The following RFTN1 variants were observed in gnomAD, a reference collection of about 807,000 sequenced individuals.
The protein encoded by RFTN1 is raftlin, lipid raft linker 1, also known as raftlin.
A neutral mutation model predicts 46.5 loss-of-function variants in RFTN1; 26 were observed. That is an observed-to-expected ratio of 0.56 (90% CI 0.41 to 0.78). RFTN1 has a LOEUF of 0.78. RFTN1 is among the 30% of genes least tolerant of loss of function. The pLI is 0.00. For missense variants in RFTN1, 693 were observed against 718.7 expected (o/e 0.96, Z 0.41); for synonymous variants, 261 against 284.2 (o/e 0.92, Z 0.82).
rs770438178 is a variant in RFTN1 at position 16,446,671 on chromosome 3, C to T, written c.146-12634G>A. Among the ~76,000 whole-genome samples, 32 of 152,042 alleles carry T rather than the reference C, an allele frequency of 2.1e-4. No individual in the cohort carries two copies. Among genetic ancestry groups the T allele is most frequent in the Non-Finnish European group, 4.0e-4 (27 of 68,012 alleles). On this transcript the variant is annotated intron_variant, in intron 2 of 9. Transcript: ENST00000334133. This position sits in a 1 kb window ranked among gnomAD's most constrained non-coding sequence, Gnocchi z 4.5. ...GGCCAAATAATAATAGGACAAAGACCATGGTTGTATACAAGACAGTGACTG... is the reference window on the plus strand; with the variant it reads ...GGCCAAATAATAATAGGACAAAGACTATGGTTGTATACAAGACAGTGACTG...
rs1483907938 is a variant in RFTN1, at chr3:16,346,179, C to G, written c.1146+11753G>C. ...GTGGAAAGGCCAGGGGGTGCACATT[C>G]ATTTTTAATGACTACACACCTTCCC... On this transcript the variant is annotated intron_variant, in intron 7 of 9. Transcript: ENST00000334133. The surrounding 1 kb of genome is among the most constrained non-coding windows in gnomAD (Gnocchi z 4.4). The G allele has an allele frequency of 6.6e-6, 1 of 152,198 alleles. No individual in the cohort carries two copies. Among genetic ancestry groups the G allele is most frequent in the Non-Finnish European group, 1.5e-5 (1 of 68,042 alleles). The allele number at this position is 152,198 out of a possible 1,614,324, so 9.4% of individuals were successfully genotyped here.
chr3:16,505,834 T>A (rs139508523), intron 1 of RFTN1, among the ~76,000 whole-genome samples: 272 of 152,308 alleles, frequency 1.8e-3, no homozygotes, highest in Non-Finnish European at 3.2e-3. Context: ...ATCACACTCC[T>A]TCAAGGCTGA....
chr3:16,408,446 C>T (rs944037534), intron 4 of RFTN1, among the ~76,000 whole-genome samples: 2 of 151,640 alleles, frequency 1.3e-5, no homozygotes, highest in African/African-American at 4.9e-5. Flanking sequence ...TCACAATCAC[C>T]TGTATGGGGT....
At position 16,322,883 on chromosome 3, in the gene RFTN1, G is replaced by C. The variant is rs746791162; in HGVS notation, c.1332+493C>G. 2.6e-5 allele frequency among the ~76,000 whole-genome samples: 4 copies of C among 152,172 alleles called. No individual in the cohort carries two copies. Among genetic ancestry groups the C allele is most frequent in the Non-Finnish European group, 5.9e-5 (4 of 68,026 alleles). On this transcript the variant is annotated intron_variant, in intron 9 of 9. Coordinates refer to ENST00000334133, the MANE Select transcript of RFTN1 (RefSeq NM_015150.2). This position sits in a 1 kb window ranked among gnomAD's most constrained non-coding sequence, Gnocchi z 6.2. ...AGCTAGCATCACCAGCTGTCACACA[G>C]AGGCCTTTGGGTCTAGGCCTGTCAT...
At position 16,374,687 on chromosome 3, in the gene RFTN1, AC is replaced by A. The variant is rs1479741219; in HGVS notation, c.826+3030del. Among the ~76,000 whole-genome samples, 1 of 152,100 alleles carries A rather than the reference AC, an allele frequency of 6.6e-6. No individual in the cohort carries two copies. The highest frequency in any genetic ancestry group is 1.5e-5 in the Non-Finnish European group (1 of 68,000). ...GTGAGAATGATTAGAATTTTCGTGAACCTGTCTAGCCTCCTGGTTTCTCTGA... is the reference window on the plus strand; with the variant it reads ...GTGAGAATGATTAGAATTTTCGTGAACTGTCTAGCCTCCTGGTTTCTCTGA... On this transcript the variant is annotated intron_variant, in intron 5 of 9. Coordinates refer to ENST00000334133, the MANE Select transcript of RFTN1 (RefSeq NM_015150.2). This position sits in a 1 kb window ranked among gnomAD's most constrained non-coding sequence, Gnocchi z 5.4.
intron 2 of RFTN1, among the ~76,000 whole-genome samples, chr3:16,477,796 G>T (rs1388167958): frequency 6.6e-6 from 1 of 152,296 alleles, no homozygotes; most frequent in Admixed American, 6.5e-5. Context: ...CACAAATCTT[G>T]ACTTTCACAG....
rs1048894705 is a variant in RFTN1, at chr3:16,407,243, T to G, written c.441+2132A>C. 2.6e-5 allele frequency among the ~76,000 whole-genome samples: 4 copies of G among 152,206 alleles called. No homozygotes were observed. Among genetic ancestry groups the G allele is most frequent in the African/African-American group, 9.7e-5 (4 of 41,450 alleles). On this transcript the variant is annotated intron_variant, in intron 4 of 9. Transcript: ENST00000334133. The surrounding 1 kb of genome is among the most constrained non-coding windows in gnomAD (Gnocchi z 4.0). ...TGTCAGCCAGGCTGGAGTGCAGTGG[T>G]GCAATCATAGCTCACTGTGGTCTCA...
chr3:16,490,501 T>G (rs1190076199), intron 2 of RFTN1, among the ~76,000 whole-genome samples: 1 of 152,298 alleles, frequency 6.6e-6, no homozygotes, highest in East Asian at 1.9e-4. Context: ...AGCCCTGAGC[T>G]CTGGCTTGAA....
chr3:16,446,683 C>T lies in RFTN1; in HGVS notation c.146-12646G>A, dbSNP rs1265382482. Reference sequence around the variant, plus strand: ...ATAGGACAAAGACCATGGTTGTATACAAGACAGTGACTGGAAATCTCAACT... The same window carrying T: ...ATAGGACAAAGACCATGGTTGTATATAAGACAGTGACTGGAAATCTCAACT... On this transcript the variant is annotated intron_variant, in intron 2 of 9. Transcript: ENST00000334133. This position sits in a 1 kb window ranked among gnomAD's most constrained non-coding sequence, Gnocchi z 4.5. 2.0e-5 allele frequency among the ~76,000 whole-genome samples: 3 copies of T among 152,122 alleles called. No homozygotes were observed. The highest frequency in any genetic ancestry group is 7.2e-5 in the African/African-American group (3 of 41,430).
At chr3:16,441,006 C>T (rs971346758) in intron 2 of RFTN1, among the ~76,000 whole-genome samples, 4 of 152,176 alleles carry the variant, frequency 2.6e-5, no homozygotes, top group Non-Finnish European at 5.9e-5. Context: ...AAGGACACAT[C>T]TGCAGGTATT....
At chr3:16,319,267 A>G (rs986090706) in intron 9 of RFTN1, among the ~76,000 whole-genome samples, 2 of 152,186 alleles carry the variant, frequency 1.3e-5, no homozygotes, top group African/African-American at 4.8e-5. Flanking sequence ...CTCTCAGGGA[A>G]GTCAGAGGAA....
chr3:16,407,278 G>A lies in RFTN1; in HGVS notation c.441+2097C>T, dbSNP rs1242107550. Among the ~76,000 whole-genome samples the A allele has an allele frequency of 4.6e-5, 7 of 152,218 alleles. No homozygotes were observed. The East Asian group carries it at 1.2e-3, about 25-fold the overall frequency. On this transcript the variant is annotated intron_variant, in intron 4 of 9. Transcript: ENST00000334133. This position sits in a 1 kb window ranked among gnomAD's most constrained non-coding sequence, Gnocchi z 4.0. ...GCTCACTGTGGTCTCAAACTCCTGG[G>A]CTCAAGCAATTCTCTCGCCTCAGCC...
chr3:16,512,675 G>A lies in RFTN1; in HGVS notation c.-9+767C>T, dbSNP rs906856327. On this transcript the variant is annotated intron_variant, in intron 1 of 9. Coordinates refer to ENST00000334133, the MANE Select transcript of RFTN1 (RefSeq NM_015150.2). This position sits in a 1 kb window ranked among gnomAD's most constrained non-coding sequence, Gnocchi z 4.3. Reference sequence around the variant, plus strand: ...GACTGGGGTGCGCGTGCCTGACAACGGGGCTTCCCGAAATACACAACCACC... The same window carrying A: ...GACTGGGGTGCGCGTGCCTGACAACAGGGCTTCCCGAAATACACAACCACC... 3.3e-5 allele frequency: 5 copies of A among 152,468 alleles called. No individual in the cohort carries two copies. Among genetic ancestry groups the A allele is most frequent in the Non-Finnish European group, 7.3e-5 (5 of 68,258 alleles). 9.4% of individuals were successfully genotyped at this position (152,468 alleles called of 1,614,324 possible). A position where few individuals can be genotyped will look rare whatever the true frequency, so the allele number is the denominator to read the frequency against.
At chr3:16,340,134 G>C (rs749041327) in intron 7 of RFTN1, among the ~76,000 whole-genome samples, 4 of 152,112 alleles carry the variant, frequency 2.6e-5, no homozygotes, top group Non-Finnish European at 5.9e-5. Context: ...TTTCTTCCCT[G>C]TTTCTGTTCC....
chr3:16,420,015 C>T (rs955817084), intron 3 of RFTN1, among the ~76,000 whole-genome samples: 30 of 152,320 alleles, frequency 2.0e-4, no homozygotes, highest in African/African-American at 6.0e-4. Flanking sequence ...TCTAACTATC[C>T]GACCCTGCTA....
At chr3:16,386,526 G>A (rs2074180181) in intron 4 of RFTN1, among the ~76,000 whole-genome samples, 1 of 152,230 alleles carries the variant, frequency 6.6e-6, no homozygotes, top group African/African-American at 2.4e-5. Context: ...GCTGGCTCCA[G>A]AGCCCACGTT....
chr3:16,365,799 G>T (rs1347421550), intron 6 of RFTN1, among the ~76,000 whole-genome samples: 1 of 151,306 alleles, frequency 6.6e-6, no homozygotes, highest in Non-Finnish European at 1.5e-5. Flanking sequence ...ATGACACCAT[G>T]AGCCCTGACC....
Position 16,410,548 on chromosome 3 carries a change from C to A in RFTN1, c.333-1065G>T, listed in dbSNP as rs751637959. On this transcript the variant is annotated intron_variant, in intron 3 of 9. Transcript: ENST00000334133. This position sits in a 1 kb window ranked among gnomAD's most constrained non-coding sequence, Gnocchi z 4.6. The stretch of plus-strand genomic sequence containing the variant: ...ATTTTTAAAAGACTTTAAAAGGGTT[C>A]AACCCCTTTAGAGGGCAATCTGGCA... Among the ~76,000 whole-genome samples, 1 of 152,106 alleles carries A rather than the reference C, an allele frequency of 6.6e-6. No individual in the cohort carries two copies. Among genetic ancestry groups the A allele is most frequent in the Non-Finnish European group, 1.5e-5 (1 of 68,018 alleles).
At chr3:16,445,316 A>G (rs2075705459) in intron 2 of RFTN1, among the ~76,000 whole-genome samples, 1 of 152,086 alleles carries the variant, frequency 6.6e-6, no homozygotes, top group South Asian at 2.1e-4. Flanking sequence ...AAAGAGAGAG[A>G]GACAAAAAGG....
Sources: allele counts gnomAD v4.1 joint callset (sites outside exome capture counted in the v4.1 genomes callset), GRCh38; gene constraint gnomAD v4.1.1; non-coding constraint Gnocchi (gnomAD v3.1); transcripts MANE v1.5; gene names NCBI Gene and HGNC (gene_info 2026-07-23, HGNC 2026-07-21).